The following CDK8 variants were observed in gnomAD, a reference collection of about 807,000 sequenced individuals.
The protein encoded by CDK8 is cyclin dependent kinase 8.
Under a neutral mutation model 71.5 loss-of-function variants are expected in CDK8, and 29 were observed. The ratio of observed to expected loss-of-function variants is 0.41; its 90% CI spans 0.30 to 0.55. The LOEUF is 0.55. CDK8 is among the 20% of genes least tolerant of loss of function. CDK8 has a pLI of 0.37. For synonymous variants in CDK8, 161 were observed against 192.1 expected, an observed-to-expected ratio of 0.84 and a Z score of 1.34; for missense variants, 288 against 572.6, an observed-to-expected ratio of 0.50 and a Z score of 5.07.
chr13:26,391,758 A>G (rs1476198223), intron 6 of CDK8, among the ~76,000 whole-genome samples: 1 of 152,236 alleles, frequency 6.6e-6, no homozygotes. Context: ...GGTATTGGCT[A>G]GGCTTGGTTC....
At chr13:26,329,494 G>GTTTGT (rs1875204015) in intron 1 of CDK8, among the ~76,000 whole-genome samples, 4 of 80,834 alleles carry the variant, frequency 4.9e-5, no homozygotes, top group South Asian at 7.9e-4. Flanking sequence ...TTTTTTTTTT[G>GTTTGT]TTTGTTTTGT....
chr13:26,389,852 G>A (rs1875662210), intron 6 of CDK8, among the ~76,000 whole-genome samples: 1 of 151,970 alleles, frequency 6.6e-6, no homozygotes. Flanking sequence ...ACAAAAATTA[G>A]CCAGGCATGG....
At chr13:26,320,981 A>G (rs2137947219) in intron 1 of CDK8, among the ~76,000 whole-genome samples, 1 of 152,318 alleles carries the variant, frequency 6.6e-6, no homozygotes, top group South Asian at 2.1e-4. Context: ...TAAAAATACA[A>G]TTACTGTATT....
intron 4 of CDK8, among the ~76,000 whole-genome samples, chr13:26,355,761 T>C (rs1316236346): frequency 6.6e-6 from 1 of 152,198 alleles, no homozygotes; most frequent in Non-Finnish European, 1.5e-5. Flanking sequence ...ACCAGTCCTT[T>C]TTATGATCTC....
intron 2 of CDK8, among the ~76,000 whole-genome samples, chr13:26,340,264 A>G (rs1265133068): frequency 6.6e-6 from 1 of 151,986 alleles, no homozygotes; most frequent in African/African-American, 2.4e-5. Flanking sequence ...ATATTGCTTA[A>G]TTTTTAAACG....
intron 4 of CDK8, among the ~76,000 whole-genome samples, chr13:26,355,597 G>A (rs1278614162): frequency 6.6e-6 from 1 of 152,190 alleles, no homozygotes; most frequent in African/African-American, 2.4e-5. Flanking sequence ...CTGGGCGACA[G>A]AGCGAAACTC....
intron 1 of CDK8, among the ~76,000 whole-genome samples, chr13:26,291,424 AATTCTG>A (rs1411980744): frequency 1.3e-5 from 2 of 152,200 alleles, no homozygotes; most frequent in African/African-American, 4.8e-5. Context: ...CTTTTGGTAG[AATTCTG>A]AAATTGGGAG....
intron 1 of CDK8, among the ~76,000 whole-genome samples, chr13:26,298,004 C>T (rs9578992): frequency 0.11 from 16,443 of 151,906 alleles, 2,636 homozygotes; most frequent in African/African-American, 0.35. Flanking sequence ...TATCCCATTG[C>T]CCCTATTAAA....
chr13:26,259,585 ACTT>A (rs1041312015), intron 1 of CDK8, among the ~76,000 whole-genome samples: 7 of 152,142 alleles, frequency 4.6e-5, no homozygotes, highest in Admixed American at 3.3e-4. Context: ...TTTGCTGTGT[ACTT>A]CTTATTTCCA....
chr13:26,331,389 C>T (rs1593268420), intron 1 of CDK8, among the ~76,000 whole-genome samples: 2 of 152,154 alleles, frequency 1.3e-5, no homozygotes, highest in African/African-American at 2.4e-5. Context: ...TTCCATTCAA[C>T]AGGCTGTCTC....
chr13:26,278,398 G>A (rs552063912), intron 1 of CDK8, among the ~76,000 whole-genome samples: 2 of 152,302 alleles, frequency 1.3e-5, no homozygotes, highest in African/African-American at 4.8e-5. Flanking sequence ...AGAAGGGCAT[G>A]AGCTAGAAAG....
chr13:26,255,529 G>T (rs1483880902), intron 1 of CDK8, among the ~76,000 whole-genome samples: 1 of 152,020 alleles, frequency 6.6e-6, no homozygotes, highest in African/African-American at 2.4e-5. Flanking sequence ...CCTATGACTG[G>T]TAATGCTTCC....
At chr13:26,319,197 G>A (rs1022536776) in intron 1 of CDK8, among the ~76,000 whole-genome samples, 17 of 152,154 alleles carry the variant, frequency 1.1e-4, no homozygotes, top group African/African-American at 3.6e-4. Flanking sequence ...GCTGGGTGTG[G>A]TGGCTTATGC....
chr13:26,366,093 A>G (rs891612606), intron 4 of CDK8, among the ~76,000 whole-genome samples: 4 of 152,162 alleles, frequency 2.6e-5, no homozygotes, highest in African/African-American at 9.6e-5. Context: ...AAGATGGACT[A>G]TATTAGATAA....
rs1402076682 is a variant in CDK8, at chr13:26,275,408, TAAG to T, written c.128+20642_128+20644del. On this transcript the variant is annotated intron_variant, in intron 1 of 12. Transcript: ENST00000381527. ...TATGTTTTTTATTCAGATTTTATCT[TAAG>T]AACCTTAATAAAGCCTTGTAGTGTT... 3.3e-5 allele frequency among the ~76,000 whole-genome samples: 5 copies of T among 152,236 alleles called. No homozygotes were observed. The South Asian group carries it at 8.3e-4, about 25-fold the overall frequency.
At chr13:26,382,728 G>T in intron 4 of CDK8, 86 bp from the exon 5 acceptor site, 1 of 748,456 alleles carries the variant, frequency 1.3e-6, no homozygotes. Flanking sequence ...TTTTTTAAAA[G>T]GTGGATTTGT....
At chr13:26,303,156 G>A (rs1873897425) in intron 1 of CDK8, among the ~76,000 whole-genome samples, 1 of 151,394 alleles carries the variant, frequency 6.6e-6, no homozygotes, top group African/African-American at 2.4e-5. Flanking sequence ...TCTCCTTTTA[G>A]TTTAATTTTT....
chr13:26,288,032 G>A (rs550213485), intron 1 of CDK8, among the ~76,000 whole-genome samples: 28 of 151,816 alleles, frequency 1.8e-4, no homozygotes, highest in Middle Eastern at 3.4e-3. Flanking sequence ...GTGTGATCTC[G>A]GCTCACTGCA....
At chr13:26,377,857 C>G (rs981619181) in intron 4 of CDK8, among the ~76,000 whole-genome samples, 1 of 152,164 alleles carries the variant, frequency 6.6e-6, no homozygotes, top group Non-Finnish European at 1.5e-5. Flanking sequence ...ATGTGTCAGT[C>G]CCTTCAGTGT....
Sources: gnomAD v4.1 joint callset for allele counts (sites outside exome capture counted in the v4.1 genomes callset) on GRCh38, gnomAD v4.1.1 for gene constraint, MANE v1.5 for transcripts, NCBI Gene and HGNC (gene_info 2026-07-23, HGNC 2026-07-21) for gene names.